Variants in PRKN observed in about 807,000 individuals in gnomAD.
PRKN encodes E3 ubiquitin-protein ligase parkin.
In PRKN, 56 loss-of-function variants were observed where a neutral mutation model predicts 59.5. That is an observed-to-expected ratio of 0.94 (90% confidence interval 0.76 to 1.18). The LOEUF is 1.18. Among genes scored for constraint, PRKN ranks in the 50% most tolerant of loss-of-function variants. The pLI, the probability that PRKN is intolerant of heterozygous loss-of-function variation, is 0.00. For missense variants in PRKN, 657 were observed against 596.4 expected (o/e 1.10, Z -1.06); for synonymous variants, 250 against 222.1 (o/e 1.13, Z -1.12).
chr6:161,939,295 A>G (rs1583375296), intron 6 of PRKN, among the ~76,000 whole-genome samples: 1 of 151,604 alleles, frequency 6.6e-6, no homozygotes, highest in East Asian at 1.9e-4. Flanking sequence ...GTGCATGCCC[A>G]TAATCTCAGC....
At chr6:161,656,227 G>C (rs778515638) in intron 7 of PRKN, among the ~76,000 whole-genome samples, 2 of 152,216 alleles carry the variant, frequency 1.3e-5, no homozygotes, top group African/African-American at 2.4e-5. Context: ...CAGACTGAAA[G>C]TCAGCGCTCG....
At position 161,593,285 on chromosome 6, in the gene PRKN, G is replaced by C. The variant is rs920200677; in HGVS notation, c.872-23869C>G. ...CCTTAGTCCTTACGGGCTGCTTTGA[G>C]TGTGAGGGCAGGGCTATTGATATTT... On this transcript the variant is annotated intron_variant, in intron 7 of 11. Transcript: ENST00000366898. The surrounding 1 kb of genome is among the most constrained non-coding windows in gnomAD (Gnocchi z 4.8). 6.6e-6 allele frequency among the ~76,000 whole-genome samples: 1 copy of C among 152,194 alleles called. No homozygotes were observed. Among genetic ancestry groups the C allele is most frequent in the African/African-American group, 2.4e-5 (1 of 41,448 alleles).
In PRKN at chr6:161,397,754, C is replaced by T. The variant is rs1319524273; in HGVS notation, c.1084-10877G>A. Among the ~76,000 whole-genome samples, 2 of 152,138 alleles carry T rather than the reference C, an allele frequency of 1.3e-5. No individual in the cohort carries two copies. Among genetic ancestry groups the T allele is most frequent in the African/African-American group, 2.4e-5 (1 of 41,408 alleles). ...TTCTGAGAAGCAGAAGAGGATAGCA[C>T]AGTGCTGAGGAAACCCAGTACTGAG... On this transcript the variant is annotated intron_variant, in intron 9 of 11. Coordinates refer to ENST00000366898, the MANE Select transcript of PRKN (RefSeq NM_004562.3). This position sits in a 1 kb window ranked among gnomAD's most constrained non-coding sequence, Gnocchi z 4.2.
intron 1 of PRKN, among the ~76,000 whole-genome samples, chr6:162,464,465 T>C (rs1033014778): frequency 2.0e-5 from 3 of 152,094 alleles, no homozygotes; most frequent in African/African-American, 7.2e-5. Context: ...TCCTAAAATA[T>C]AGCACTAATA....
rs139994527 is a variant in PRKN at position 162,553,126 on chromosome 6, T to C, written c.8-109653A>G. Reference sequence around the variant, plus strand: ...TAAGTTCTTTAAGAGGCAGACGCTCTTACAACACAATGTGCATTGGGGAAA... The same window carrying C: ...TAAGTTCTTTAAGAGGCAGACGCTCCTACAACACAATGTGCATTGGGGAAA... On this transcript the variant is annotated intron_variant, in intron 1 of 11. Coordinates refer to ENST00000366898, the MANE Select transcript of PRKN (RefSeq NM_004562.3). Among the ~76,000 whole-genome samples, 319 of 152,128 alleles carry C rather than the reference T, an allele frequency of 2.1e-3. 2 individuals carry two copies. Among genetic ancestry groups the C allele is most frequent in the African/African-American group, 7.4e-3 (307 of 41,504 alleles).
chr6:161,824,929 T>C (rs981577490), intron 6 of PRKN, among the ~76,000 whole-genome samples: 2 of 152,232 alleles, frequency 1.3e-5, no homozygotes, highest in Non-Finnish European at 2.9e-5. Flanking sequence ...GCAGTCACTA[T>C]GCAATAAGAC....
chr6:162,229,057 C>T (rs1778308980), intron 3 of PRKN, among the ~76,000 whole-genome samples: 1 of 152,162 alleles, frequency 6.6e-6, no homozygotes, highest in Non-Finnish European at 1.5e-5. Context: ...TCTTCTCAGT[C>T]CTATGGCTTA....
rs1259902331 is a variant in PRKN at position 161,550,734 on chromosome 6, T to C, written c.934-1731A>G. 1.0e-5 allele frequency among the ~76,000 whole-genome samples: 1 copy of C among 98,918 alleles called. No individual in the cohort carries two copies. The highest frequency in any genetic ancestry group is 2.8e-4 in the East Asian group (1 of 3,598). The allele number at this position is 98,918 out of a possible 152,430, so 64.9% of individuals were successfully genotyped here. A position where few individuals can be genotyped will look rare whatever the true frequency, so the allele number is the denominator to read the frequency against. ...GTAGAAGAAAGGGTATGTGTGTGTG[T>C]GCACGTGTGTGTGTGTGTGTGTGTG... On this transcript the variant is annotated intron_variant, in intron 8 of 11. Coordinates refer to ENST00000366898, the MANE Select transcript of PRKN (RefSeq NM_004562.3). The surrounding 1 kb of genome is among the most constrained non-coding windows in gnomAD (Gnocchi z 4.0).
chr6:161,691,097 A>G (rs935659349), intron 7 of PRKN, among the ~76,000 whole-genome samples: 1 of 147,124 alleles, frequency 6.8e-6, no homozygotes, highest in African/African-American at 2.5e-5. Context: ...TCCTATTCCT[A>G]TCTATCCATC....
chr6:162,715,073 A>C (rs1321541175), intron 1 of PRKN, among the ~76,000 whole-genome samples: 1 of 152,186 alleles, frequency 6.6e-6, no homozygotes, highest in African/African-American at 2.4e-5. Flanking sequence ...TCAGATACTT[A>C]ATTTTCACCA....
chr6:162,082,137 G>C (rs1276609554), intron 4 of PRKN, among the ~76,000 whole-genome samples: 1 of 152,036 alleles, frequency 6.6e-6, no homozygotes, highest in Non-Finnish European at 1.5e-5. Flanking sequence ...GAGGAACCTG[G>C]TTGGGGGTTG....
chr6:161,522,547 A>G (rs1425984167), intron 9 of PRKN, among the ~76,000 whole-genome samples: 2 of 152,258 alleles, frequency 1.3e-5, no homozygotes, highest in African/African-American at 4.8e-5. Context: ...AGGCAATTTA[A>G]TATGAGCAAC....
At chr6:161,433,307 T>C (rs1053962590) in intron 9 of PRKN, among the ~76,000 whole-genome samples, 1 of 152,196 alleles carries the variant, frequency 6.6e-6, no homozygotes, top group Non-Finnish European at 1.5e-5. Context: ...AAGTTGGATG[T>C]TCCCATTACC....
intron 9 of PRKN, among the ~76,000 whole-genome samples, chr6:161,392,622 C>T (rs1184908859): frequency 1.3e-5 from 2 of 151,788 alleles, no homozygotes; most frequent in African/African-American, 4.8e-5. Flanking sequence ...CCACTTCCAA[C>T]AGTGTGGTGG....
chr6:162,473,751 T>C (rs1159518754), intron 1 of PRKN, among the ~76,000 whole-genome samples: 1 of 152,144 alleles, frequency 6.6e-6, no homozygotes, highest in East Asian at 1.9e-4. Context: ...ACGGCTACTA[T>C]ATTGGCAGAC....
intron 6 of PRKN, among the ~76,000 whole-genome samples, chr6:161,883,666 T>C (rs1795027211): frequency 6.6e-6 from 1 of 152,082 alleles, no homozygotes; most frequent in African/African-American, 2.4e-5. Context: ...ATTTTTTTTA[T>C]TAAGACAGAG....
chr6:162,637,781 G>A (rs764455164), intron 1 of PRKN, among the ~76,000 whole-genome samples: 8 of 152,036 alleles, frequency 5.3e-5, no homozygotes, highest in Admixed American at 1.3e-4. Context: ...TCACCATTTA[G>A]TTTCAGAACT....
intron 2 of PRKN, among the ~76,000 whole-genome samples, chr6:162,436,247 T>G (rs1789765319): frequency 6.6e-6 from 1 of 151,364 alleles, no homozygotes; most frequent in Admixed American, 6.6e-5. Context: ...TTCAATAAAT[T>G]TAGTTCAGAA....
At chr6:161,513,565 C>A (rs1389532965) in intron 9 of PRKN, among the ~76,000 whole-genome samples, 1 of 137,394 alleles carries the variant, frequency 7.3e-6, no homozygotes, top group Admixed American at 7.2e-5. Context: ...TGCTTTTTTT[C>A]ATTTGTTTAC....
Sources: allele counts gnomAD v4.1 joint callset (sites outside exome capture counted in the v4.1 genomes callset), GRCh38; gene constraint gnomAD v4.1.1; non-coding constraint Gnocchi (gnomAD v3.1); transcripts MANE v1.5; gene names NCBI Gene and HGNC (gene_info 2026-07-23, HGNC 2026-07-21).